TENM3: variants seen among roughly 807,000 people sequenced by gnomAD.
TENM3 encodes the protein teneurin-3.
A neutral mutation model predicts 255.1 loss-of-function variants in TENM3; 63 were observed. The observed-to-expected ratio is 0.25, with a 90% CI of 0.20 to 0.30. The LOEUF is 0.30. Among genes scored for constraint, TENM3 ranks in the 10% least tolerant of loss-of-function variants. The pLI is 1.00. For synonymous variants in TENM3, 1,306 were observed against 1,322.3 expected, an observed-to-expected ratio of 0.99 and a Z score of 0.27; for missense variants, 2,929 against 3,461.1, an observed-to-expected ratio of 0.85 and a Z score of 3.86.
At chr4:181,591,073 AT>A in the TENM3 span, among the ~76,000 whole-genome samples, 2 of 152,378 alleles carry the variant, frequency 1.3e-5, no homozygotes, top group East Asian at 3.9e-4. Flanking sequence ...CCTTTGGTTA[AT>A]CTGCATTGAC....
chr4:181,476,452 G>T, the TENM3 span, among the ~76,000 whole-genome samples: 1 of 152,010 alleles, frequency 6.6e-6, no homozygotes, highest in Non-Finnish European at 1.5e-5. Context: ...TTATTTATAG[G>T]GTGTGATAAA....
At chr4:182,521,759 T>C (rs1244085230) in intron 3 of TENM3, among the ~76,000 whole-genome samples, 1 of 152,238 alleles carries the variant, frequency 6.6e-6, no homozygotes, top group Non-Finnish European at 1.5e-5. Context: ...TTAAAAAATT[T>C]CAGCATATGG....
chr4:181,500,137 T>C, the TENM3 span, among the ~76,000 whole-genome samples: 1 of 152,002 alleles, frequency 6.6e-6, no homozygotes, highest in African/African-American at 2.4e-5. Context: ...CAAGCGATTC[T>C]CCCGTCTCAT....
the TENM3 span, among the ~76,000 whole-genome samples, chr4:181,703,866 TA>T: frequency 1.3e-5 from 2 of 152,184 alleles, no homozygotes; most frequent in African/African-American, 4.8e-5. Flanking sequence ...TTGACCTTAT[TA>T]AATTGCGTTT....
the TENM3 span, among the ~76,000 whole-genome samples, chr4:181,452,275 T>C: frequency 5.9e-5 from 9 of 152,096 alleles, no homozygotes; most frequent in Non-Finnish European, 4.4e-5. Flanking sequence ...TAAATAGGAA[T>C]GTGTATGGGA....
intron 3 of TENM3, among the ~76,000 whole-genome samples, chr4:182,431,138 T>C (rs1169643520): frequency 1.3e-5 from 2 of 152,046 alleles, no homozygotes; most frequent in Non-Finnish European, 1.5e-5. Context: ...TTTAGGATGC[T>C]ATTACAAAGA....
chr4:182,617,575 C>T (rs144133573), intron 4 of TENM3, among the ~76,000 whole-genome samples: 1 of 152,214 alleles, frequency 6.6e-6, no homozygotes, highest in East Asian at 1.9e-4. Context: ...GGAAGAAGAA[C>T]CTATACCTTA....
At chr4:181,447,768 G>T in the TENM3 span, among the ~76,000 whole-genome samples, 9 of 152,276 alleles carry the variant, frequency 5.9e-5, no homozygotes, top group South Asian at 1.5e-3. Context: ...GAAGTCTGGG[G>T]AGCGGTGAGT....
chr4:182,449,761 T>C (rs1477224160), intron 3 of TENM3, among the ~76,000 whole-genome samples: 1 of 152,176 alleles, frequency 6.6e-6, no homozygotes. Flanking sequence ...TTTTGTCAGG[T>C]TTAATAGAGC....
At chr4:181,514,277 AG>A in the TENM3 span, among the ~76,000 whole-genome samples, 6 of 152,274 alleles carry the variant, frequency 3.9e-5, no homozygotes, top group East Asian at 1.2e-3. Flanking sequence ...TACAGTAAAA[AG>A]TTTTTAAAAA....
chr4:182,509,254 A>T (rs557335302), intron 3 of TENM3, among the ~76,000 whole-genome samples: 1 of 152,194 alleles, frequency 6.6e-6, no homozygotes, highest in Non-Finnish European at 1.5e-5. Context: ...GTATCCTCAG[A>T]TGTGTTTAAC....
chr4:182,306,381 T>G (rs1762134046), intron 1 of TENM3, among the ~76,000 whole-genome samples: 1 of 152,012 alleles, frequency 6.6e-6, no homozygotes. Context: ...GAATCAGGTT[T>G]GTACAGCCAA....
At chr4:182,568,526 G>A (rs939712186) in intron 3 of TENM3, among the ~76,000 whole-genome samples, 53 of 152,306 alleles carry the variant, frequency 3.5e-4, no homozygotes, top group African/African-American at 1.0e-3. Flanking sequence ...GCAGGATGTA[G>A]AGTAATTGGA....
intron 3 of TENM3, among the ~76,000 whole-genome samples, chr4:182,450,350 C>T: frequency 6.6e-6 from 1 of 151,894 alleles, no homozygotes; most frequent in East Asian, 1.9e-4. Context: ...CCCTCTCAGC[C>T]GAATATTTTA....
the TENM3 span, among the ~76,000 whole-genome samples, chr4:181,824,426 A>G: frequency 3.3e-5 from 5 of 152,162 alleles, no homozygotes; most frequent in African/African-American, 7.2e-5. Flanking sequence ...GAGTGCTAGA[A>G]GTATGCTGGT....
chr4:181,674,415 GA>G, the TENM3 span, among the ~76,000 whole-genome samples: 31,687 of 147,020 alleles, frequency 0.22, 3,647 homozygotes, highest in Non-Finnish European at 0.26. Flanking sequence ...CATGGTCTAT[GA>G]AAAAAAAAAA....
chr4:181,831,968 T>G, the TENM3 span, among the ~76,000 whole-genome samples: 2 of 132,640 alleles, frequency 1.5e-5, no homozygotes. Flanking sequence ...ATATATTACA[T>G]TGTGTGTGTG....
intron 18 of TENM3, among the ~76,000 whole-genome samples, chr4:182,739,378 A>G (rs957847571): frequency 1.1e-4 from 17 of 152,190 alleles, no homozygotes; most frequent in Admixed American, 7.2e-4. Flanking sequence ...TGCATCTCAG[A>G]CAACCTGAAG....
At chr4:181,665,521 G>T in the TENM3 span, among the ~76,000 whole-genome samples, 4 of 151,764 alleles carry the variant, frequency 2.6e-5, no homozygotes, top group African/African-American at 9.7e-5. Flanking sequence ...TAGAATCATC[G>T]CGTGCGTGTG....
Sources: gnomAD v4.1 joint callset for allele counts (sites outside exome capture counted in the v4.1 genomes callset) on GRCh38, gnomAD v4.1.1 for gene constraint, MANE v1.5 for transcripts, NCBI Gene and HGNC (gene_info 2026-07-23, HGNC 2026-07-21) for gene names.